Variants in MICALL1 observed in about 807,000 individuals in gnomAD.
MICALL1 encodes the protein MICAL-like protein 1.
Under a neutral mutation model 83.7 loss-of-function variants are expected in MICALL1, and 61 were observed. The ratio of observed to expected loss-of-function variants is 0.73; its 90% CI spans 0.59 to 0.90. The LOEUF (loss-of-function observed/expected upper bound fraction) is 0.90, where lower values mean the gene tolerates loss of function less well. MICALL1 is among the 40% of genes least tolerant of loss of function. The probability of loss-of-function intolerance (pLI) is 0.00; values close to 1 mark genes in which losing one functional copy is unlikely to be tolerated. For synonymous variants in MICALL1, 481 were observed against 473.6 expected (o/e 1.02, Z -0.20); for missense variants, 1,066 against 1,152.0 (o/e 0.93, Z 1.08).
chr22:37,906,462 C>A lies in MICALL1; in HGVS notation c.40C>A (p.Arg14Ser). 1 of 1,215,966 alleles carries A rather than the reference C, an allele frequency of 8.2e-7. No individual in the cohort carries two copies. Among genetic ancestry groups the A allele is most frequent in the Non-Finnish European group, 1.0e-6 (1 of 971,218 alleles). 75.3% of individuals were successfully genotyped at this position (1,215,966 alleles called of 1,614,324 possible). ...GGGCGCGCTGCTGGCCTGGTGCCGCCGCCAGTGCGAGGGCTACCGCGGCGT... is the reference window on the plus strand; with the variant it reads ...GGGCGCGCTGCTGGCCTGGTGCCGCAGCCAGTGCGAGGGCTACCGCGGCGT... The part of the protein sequence containing the change: ...PRGALLAWCR[R>S]QCEGYRGVEI... The change falls in exon 1 of 16, where the codon CGC (arginine) becomes AGC (serine). Residue 14 changes from arginine to serine, a missense_variant. By Grantham distance (110) the Arg-to-Ser change is moderately radical. Coordinates refer to ENST00000215957, the MANE Select transcript of MICALL1 (RefSeq NM_033386.4). The surrounding 1 kb of genome is among the most constrained non-coding windows in gnomAD (Gnocchi z 4.4).
intron 13 of MICALL1, among the ~76,000 whole-genome samples, chr22:37,936,725 T>C (rs1930142845): frequency 6.6e-6 from 1 of 152,148 alleles, no homozygotes; most frequent in Admixed American, 6.5e-5. Flanking sequence ...ACCCTGTCTC[T>C]ACTAAAAATA....
chr22:37,913,123 TG>T (rs1238915459), intron 3 of MICALL1, among the ~76,000 whole-genome samples: 1 of 151,404 alleles, frequency 6.6e-6, no homozygotes, highest in Admixed American at 6.6e-5. Flanking sequence ...CCACTACACC[TG>T]GCTAATTTTT....
chr22:37,910,002 G>A (rs991758316), intron 1 of MICALL1, among the ~76,000 whole-genome samples: 3 of 152,098 alleles, frequency 2.0e-5, no homozygotes, highest in African/African-American at 4.8e-5. Flanking sequence ...CCATCCCTCC[G>A]CACCACCCGA....
chr22:37,926,484 T>G (rs1929447637), intron 8 of MICALL1: 1 of 172,300 alleles, frequency 5.8e-6, no homozygotes, highest in Non-Finnish European at 1.3e-5. Context: ...TGGCCATGTG[T>G]GACCAGGTGT....
Position 37,930,680 on chromosome 22 carries a change from G to A in MICALL1, c.1882-1119G>A, listed in dbSNP as rs1294024336. Among the ~76,000 whole-genome samples the A allele has an allele frequency of 2.0e-5, 3 of 152,220 alleles. No homozygotes were observed. The highest frequency in any genetic ancestry group is 2.1e-4 in the South Asian group (1 of 4,836). On this transcript the variant is annotated intron_variant, in intron 9 of 15. Coordinates refer to ENST00000215957, the MANE Select transcript of MICALL1 (RefSeq NM_033386.4). This position sits in a 1 kb window ranked among gnomAD's most constrained non-coding sequence, Gnocchi z 4.8. ...CCGTGCCCTGGCAGTGGAGCTGCCC[G>A]GCCTGTGCTGGCCTCAGAGAGGGCG...
chr22:37,932,062 G>A lies in MICALL1; in HGVS notation c.2016+129G>A, dbSNP rs1165959740. 2.6e-5 allele frequency: 35 copies of A among 1,370,002 alleles called. No individual in the cohort carries two copies. Among genetic ancestry groups the A allele is most frequent in the Non-Finnish European group, 3.2e-5 (33 of 1,024,434 alleles). 84.9% of individuals were successfully genotyped at this position (1,370,002 alleles called of 1,614,324 possible). Reference sequence around the variant, plus strand: ...CAGTGGGCCTCAGATGCTCAAGAGAGCACTCTTGGCGGCCCAACTGGAAGG... The same window carrying A: ...CAGTGGGCCTCAGATGCTCAAGAGAACACTCTTGGCGGCCCAACTGGAAGG... On this transcript the variant is annotated intron_variant, in intron 10 of 15. Coordinates refer to ENST00000215957, the MANE Select transcript of MICALL1 (RefSeq NM_033386.4). This position sits in a 1 kb window ranked among gnomAD's most constrained non-coding sequence, Gnocchi z 4.4.
At chr22:37,918,237 G>C (rs1283092059) in intron 4 of MICALL1, among the ~76,000 whole-genome samples, 1 of 152,200 alleles carries the variant, frequency 6.6e-6, no homozygotes, top group African/African-American at 2.4e-5. Context: ...AGCATTATGG[G>C]CCCTGGTATA....
intron 8 of MICALL1, chr22:37,926,990 C>T (rs568410117): frequency 7.4e-5 from 16 of 215,438 alleles, no homozygotes; most frequent in Non-Finnish European, 1.5e-4. Flanking sequence ...CCATCAGCCA[C>T]GAGGAGATAA....
At chr22:37,911,221 G>A (rs1245873784) in intron 1 of MICALL1, among the ~76,000 whole-genome samples, 1 of 152,258 alleles carries the variant, frequency 6.6e-6, no homozygotes, top group African/African-American at 2.4e-5. Context: ...TGCCCCAGGA[G>A]TGGCCCAGTG....
At chr22:37,912,730 G>T (rs577110624) in intron 3 of MICALL1, among the ~76,000 whole-genome samples, 1 of 150,926 alleles carries the variant, frequency 6.6e-6, no homozygotes, top group Non-Finnish European at 1.5e-5. Context: ...GCGATGGCAC[G>T]ATCTCGGCTC....
At chr22:37,908,500 A>G (rs1928111845) in intron 1 of MICALL1, among the ~76,000 whole-genome samples, 1 of 151,958 alleles carries the variant, frequency 6.6e-6, no homozygotes, top group South Asian at 2.1e-4. Context: ...GGTTTTCACC[A>G]TGTTGCCCAG....
rs758819918 is a variant in MICALL1, at chr22:37,925,685, C to A, written c.1107C>A (p.Pro369=). ...GGACACCAGCCCCCAGGAAGGACCCCCCATGGATCACGCTGGTGCAGGCAG... is the reference window on the plus strand; with the variant it reads ...GGACACCAGCCCCCAGGAAGGACCCACCATGGATCACGCTGGTGCAGGCAG... ...SEGTPAPRKD[P]PWITLVQAEP... The change falls in exon 8 of 16, where the codon CCC becomes CCA. Residue 369 remains proline, a synonymous_variant. Transcript: ENST00000215957. 1.9e-6 allele frequency: 3 copies of A among 1,609,146 alleles called. No individual in the cohort carries two copies. The highest frequency in any genetic ancestry group is 2.5e-6 in the Non-Finnish European group (3 of 1,178,620).
In MICALL1 at chr22:37,925,992, C is replaced by T. The variant is rs1929412688; in HGVS notation, c.1414C>T (p.Pro472Ser). 1.2e-6 allele frequency: 2 copies of T among 1,613,528 alleles called. No homozygotes were observed. Among genetic ancestry groups the T allele is most frequent in the Admixed American group, 3.3e-5 (2 of 59,962 alleles). The change falls in exon 8 of 16, where the codon CCC (proline) becomes TCC (serine). Residue 472 changes from proline (P) to serine (S), a missense_variant. Physicochemically the swap from Pro to Ser is moderately conservative, Grantham distance 74 (BLOSUM62 -1). Transcript: ENST00000215957. ...PWYGITPTSS[P>S]KTKKRPAPRA... is the part of the protein sequence containing the mutation. ...GTACGGCATCACCCCTACCAGCAGC[C>T]CCAAGACAAAGAAGCGCCCTGCCCC...
chr22:37,914,320 G>A (rs186172057), intron 3 of MICALL1, among the ~76,000 whole-genome samples: 3 of 150,512 alleles, frequency 2.0e-5, no homozygotes, highest in Admixed American at 6.6e-5. Flanking sequence ...TCTACCTCCC[G>A]GGTTCAAGCG....
At chr22:37,917,167 C>T (rs1038334084) in intron 3 of MICALL1, among the ~76,000 whole-genome samples, 16 of 152,098 alleles carry the variant, frequency 1.1e-4, no homozygotes, top group East Asian at 1.9e-4. Context: ...CCACTGTGCC[C>T]GGCCTGAGGA....
Position 37,917,718 on chromosome 22 carries a change from C to G in MICALL1, c.349C>G (p.Pro117Ala). The G allele has an allele frequency of 6.2e-7, 1 of 1,613,804 alleles. No individual in the cohort carries two copies. Among genetic ancestry groups the G allele is most frequent in the Non-Finnish European group, 8.5e-7 (1 of 1,179,834 alleles). The stretch of plus-strand genomic sequence containing the variant: ...TCATCTCTTGGCAGCTGGTGTCTCG[C>G]CACCCAGAAAGGGCCTTGCACCCTG... ...FCSPGQAGVS[P>A]PRKGLAPCSP... Residue 117 changes from proline (P) to alanine (A), a missense_variant, in exon 4 of 16, where the codon CCA becomes GCA. Coordinates refer to ENST00000215957, the MANE Select transcript of MICALL1 (RefSeq NM_033386.4).
In MICALL1 at chr22:37,932,345, C is replaced by G. The variant is rs772929515; in HGVS notation, c.2017-208C>G. On this transcript the variant is annotated intron_variant, in intron 10 of 15. Transcript: ENST00000215957. This position sits in a 1 kb window ranked among gnomAD's most constrained non-coding sequence, Gnocchi z 4.4. Reference sequence around the variant, plus strand: ...GGAGTCATGCCACCTTCTGGAGTGTCTGTTGGTGCTGGGACCAGTGGCATG... The same window carrying G: ...GGAGTCATGCCACCTTCTGGAGTGTGTGTTGGTGCTGGGACCAGTGGCATG... Among the ~76,000 whole-genome samples, 1 of 152,182 alleles carries G rather than the reference C, an allele frequency of 6.6e-6. No individual in the cohort carries two copies. Among genetic ancestry groups the G allele is most frequent in the Non-Finnish European group, 1.5e-5 (1 of 68,034 alleles).
At position 37,927,503 on chromosome 22, in the gene MICALL1, A is replaced by C. The variant is rs746438085; in HGVS notation, c.1558A>C (p.Ser520Arg). 3.1e-6 allele frequency: 5 copies of C among 1,612,734 alleles called. No homozygotes were observed. In the South Asian group the frequency reaches 4.4e-5, roughly 14 times the overall value. ...GGAGAGCCTGTCGTCTGAGAGCGCC[A>C]GCCAGACTGCAGGTGCAGAGCTTCT... Reference protein sequence around the residue: ...SVESLSSESASQTAGAELLEP... With the variant: ...SVESLSSESARQTAGAELLEP... The change falls in exon 9 of 16, where the codon AGC becomes CGC. Residue 520 changes from serine to arginine, a missense_variant. By Grantham distance (110) the Ser-to-Arg change is moderately radical. Transcript: ENST00000215957.
rs546155338 is a variant in MICALL1 at position 37,927,391 on chromosome 22, C to T, written c.1466-20C>T. The T allele has an allele frequency of 6.5e-7, 1 of 1,547,958 alleles. No individual in the cohort carries two copies. Among genetic ancestry groups the T allele is most frequent in the South Asian group, 1.2e-5 (1 of 85,272 alleles). On this transcript the variant is annotated intron_variant, in intron 8 of 15. Transcript: ENST00000215957. ...TTGTGGTGCTCCCCTTGTGAGGTGT[C>T]CTGGTGCTCGTCCGCACAGCTCTCC...
Sources: gnomAD v4.1 joint callset for allele counts (sites outside exome capture counted in the v4.1 genomes callset) on GRCh38, gnomAD v4.1.1 for gene constraint, Gnocchi (gnomAD v3.1) non-coding constraint, MANE v1.5 for transcripts, NCBI Gene and HGNC (gene_info 2026-07-23, HGNC 2026-07-21) for gene names.